CBLN2: variants seen among roughly 807,000 people sequenced by gnomAD.
CBLN2 encodes cerebellin-2.
In CBLN2, 7 loss-of-function variants were observed where a neutral mutation model predicts 15.0. The observed-to-expected ratio is 0.47, with a 90% confidence interval of 0.27 to 0.88. The LOEUF is 0.88. Among genes scored for constraint, CBLN2 ranks in the 40% least tolerant of loss-of-function variants. The pLI is 0.14. For missense variants in CBLN2, 242 were observed against 304.5 expected, an observed-to-expected ratio of 0.79 and a Z score of 1.53; for synonymous variants, 149 against 135.2, an observed-to-expected ratio of 1.10 and a Z score of -0.71.
intron 1 of CBLN2, among the ~76,000 whole-genome samples, chr18:72,550,789 T>C (rs2069187152): frequency 6.6e-6 from 1 of 152,164 alleles, no homozygotes; most frequent in East Asian, 1.9e-4. Flanking sequence ...AAGTTTTGCT[T>C]TAATTCAAAA....
chr18:72,581,266 C>T (rs918492859), intron 1 of CBLN2, among the ~76,000 whole-genome samples: 2 of 152,262 alleles, frequency 1.3e-5, no homozygotes, highest in South Asian at 2.1e-4. Flanking sequence ...GAATAAATTG[C>T]TTAGTCATAT....
chr18:72,585,933 T>G (rs1484152760), intron 1 of CBLN2, among the ~76,000 whole-genome samples: 1 of 152,192 alleles, frequency 6.6e-6, no homozygotes, highest in Non-Finnish European at 1.5e-5. Context: ...AGCCCCAACT[T>G]TACTCCAAAA....
In CBLN2 at chr18:72,585,334, T is replaced by C. The variant is rs553629659; in HGVS notation, c.16-46562A>G. On this transcript the variant is annotated intron_variant, in intron 1 of 2. Coordinates refer to the CBLN2 transcript ENST00000581073. ...TCCTGCATCCAGGAAGAATGAGGTATGCAAACAACTGGAGGTTGAGCAAGG... is the reference window on the plus strand; with the variant it reads ...TCCTGCATCCAGGAAGAATGAGGTACGCAAACAACTGGAGGTTGAGCAAGG... Among the ~76,000 whole-genome samples, 7 of 152,316 alleles carry C rather than the reference T, an allele frequency of 4.6e-5. No individual in the cohort carries two copies. The South Asian group carries it at 1.2e-3, about 27-fold the overall frequency.
chr18:72,575,119 C>A (rs940765815), intron 1 of CBLN2, among the ~76,000 whole-genome samples: 1 of 152,014 alleles, frequency 6.6e-6, no homozygotes, highest in Admixed American at 6.6e-5. Flanking sequence ...GGTGCAAGTA[C>A]GGTTGGAACA....
In CBLN2 at chr18:72,632,455, A is replaced by G. The variant is rs112203091; in HGVS notation, c.15+5870T>C. Among the ~76,000 whole-genome samples, 39 of 152,286 alleles carry G rather than the reference A, an allele frequency of 2.6e-4. 1 individual carries two copies. Among genetic ancestry groups the G allele is most frequent in the African/African-American group, 7.7e-4 (32 of 41,578 alleles). ...TACCTCAGACTCCACTGATGGGTGTATGTATATGCTTTATAAATAACTTAA... is the reference window on the plus strand; with the variant it reads ...TACCTCAGACTCCACTGATGGGTGTGTGTATATGCTTTATAAATAACTTAA... On this transcript the variant is annotated intron_variant, in intron 1 of 2. Transcript: ENST00000581073.
At chr18:72,627,634 C>T (rs2069748967) in intron 1 of CBLN2, among the ~76,000 whole-genome samples, 1 of 152,192 alleles carries the variant, frequency 6.6e-6, no homozygotes, top group Non-Finnish European at 1.5e-5. Flanking sequence ...TTTGAGGACA[C>T]TGTATTTATA....
At chr18:72,582,975 C>T (rs763219244) in intron 1 of CBLN2, among the ~76,000 whole-genome samples, 1 of 152,180 alleles carries the variant, frequency 6.6e-6, no homozygotes, top group East Asian at 1.9e-4. Flanking sequence ...GGTCTTCTTG[C>T]ACCCTCTGCT....
At chr18:72,600,393 G>C (rs1319975927) in intron 1 of CBLN2, among the ~76,000 whole-genome samples, 1 of 152,134 alleles carries the variant, frequency 6.6e-6, no homozygotes, top group African/African-American at 2.4e-5. Flanking sequence ...GGGGAATCAA[G>C]AAACATGGAG....
intron 1 of CBLN2, among the ~76,000 whole-genome samples, chr18:72,561,298 T>C (rs900882494): frequency 7.0e-6 from 1 of 143,416 alleles, no homozygotes; most frequent in African/African-American, 2.5e-5. Context: ...ATAAAGAATA[T>C]GAGAAGTTAA....
upstream of CBLN2, among the ~76,000 whole-genome samples, chr18:72,546,973 G>A (rs2069162372): frequency 1.3e-5 from 2 of 151,998 alleles, no homozygotes; most frequent in Non-Finnish European, 2.9e-5. Context: ...CCACTACTGA[G>A]TATCTACTCA....
Position 72,628,878 on chromosome 18 carries a change from C to T in CBLN2, c.15+9447G>A, listed in dbSNP as rs563251054. 8.5e-5 allele frequency among the ~76,000 whole-genome samples: 13 copies of T among 152,128 alleles called. 1 individual carries two copies. The highest frequency in any genetic ancestry group is 3.1e-4 in the African/African-American group (13 of 41,428). ...TTTCTTAAGTTGTGACAAGTTTTTA[C>T]GGATCCATCTCCATATTCTCATTAT... On this transcript the variant is annotated intron_variant, in intron 1 of 2. Coordinates refer to the CBLN2 transcript ENST00000581073.
At chr18:72,601,893 A>C (rs775709808) in intron 1 of CBLN2, among the ~76,000 whole-genome samples, 1 of 152,120 alleles carries the variant, frequency 6.6e-6, no homozygotes, top group Non-Finnish European at 1.5e-5. Flanking sequence ...TTTGGCTCTA[A>C]CAGTACCCAG....
At chr18:72,613,522 C>T (rs528118633) in intron 1 of CBLN2, among the ~76,000 whole-genome samples, 1 of 147,316 alleles carries the variant, frequency 6.8e-6, no homozygotes, top group East Asian at 2.0e-4. Flanking sequence ...AATTCCATTT[C>T]CACCCTAATG....
At chr18:72,538,830 T>C in intron 3 of CBLN2, 58 bp from the exon 4 acceptor site, 1 of 1,590,638 alleles carries the variant, frequency 6.3e-7, no homozygotes, top group Non-Finnish European at 8.6e-7. Flanking sequence ...GTGTATGTTT[T>C]CATCATCCTT....
intron 1 of CBLN2, among the ~76,000 whole-genome samples, chr18:72,564,790 T>C (rs2069283601): frequency 6.6e-6 from 1 of 152,102 alleles, no homozygotes; most frequent in Non-Finnish European, 1.5e-5. Context: ...AACATCCAGA[T>C]CCATGAAGTT....
intron 1 of CBLN2, among the ~76,000 whole-genome samples, chr18:72,559,828 G>A (rs1015580303): frequency 2.6e-5 from 4 of 152,116 alleles, no homozygotes; most frequent in African/African-American, 9.7e-5. Context: ...CAGTCTCTTG[G>A]GGTTTCTGAA....
chr18:72,628,648 G>A (rs2144976194), intron 1 of CBLN2, among the ~76,000 whole-genome samples: 1 of 152,326 alleles, frequency 6.6e-6, no homozygotes, highest in South Asian at 2.1e-4. Context: ...CAGCACTTGA[G>A]TCATCTCAGA....
intron 1 of CBLN2, among the ~76,000 whole-genome samples, chr18:72,578,851 A>G (rs780264489): frequency 5.3e-5 from 8 of 152,152 alleles, no homozygotes; most frequent in Non-Finnish European, 1.0e-4. Context: ...ATAAAGTAAA[A>G]TCAATATTCA....
At chr18:72,631,491 C>T (rs1160326737) in intron 1 of CBLN2, among the ~76,000 whole-genome samples, 1 of 151,710 alleles carries the variant, frequency 6.6e-6, no homozygotes, top group Non-Finnish European at 1.5e-5. Flanking sequence ...TTATTCATTT[C>T]AAAATCTGTT....
Sources: gnomAD v4.1 joint callset for allele counts (sites outside exome capture counted in the v4.1 genomes callset) on GRCh38, gnomAD v4.1.1 for gene constraint, MANE v1.5 for transcripts, NCBI Gene and HGNC (gene_info 2026-07-23, HGNC 2026-07-21) for gene names.